The following AAK1 variants were observed in gnomAD, a reference collection of about 807,000 sequenced individuals.
AAK1 encodes the protein AP2-associated protein kinase 1.
A neutral mutation model predicts 116.0 loss-of-function variants in AAK1; 37 were observed. The observed-to-expected ratio is 0.32, with a 90% CI of 0.25 to 0.42. The LOEUF (loss-of-function observed/expected upper bound fraction) is 0.42, where lower values mean the gene tolerates loss of function less well. Among genes scored for constraint, AAK1 ranks in the 10% least tolerant of loss-of-function variants. The pLI, the probability that AAK1 is intolerant of heterozygous loss-of-function variation, is 1.00. For synonymous variants in AAK1, 458 were observed against 439.9 expected (o/e 1.04, Z -0.51); for missense variants, 919 against 1,170.6 (o/e 0.79, Z 3.14).
At chr2:69,487,012 A>G (rs1366631058) in intron 17 of AAK1, among the ~76,000 whole-genome samples, 1 of 152,216 alleles carries the variant, frequency 6.6e-6, no homozygotes, top group Non-Finnish European at 1.5e-5. Context: ...AAAGTTAAAG[A>G]AACTTGCCAA....
In AAK1 at chr2:69,474,196, A is replaced by G. The variant is rs568170359; in HGVS notation, c.*1673T>C. 5.1e-6 allele frequency: 5 copies of G among 985,828 alleles called. No homozygotes were observed. In the East Asian group the frequency reaches 4.5e-4, roughly 89 times the overall value. The allele number at this position is 985,828 out of a possible 1,614,324, so 61.1% of individuals were successfully genotyped here. A position where few individuals can be genotyped will look rare whatever the true frequency, so the allele number is the denominator to read the frequency against. ...TGTTGCTGTTAAACTTTTTTCCCCCATAAAGTGCAAATGTGAGGAAGAAGA... is the reference window on the plus strand; with the variant it reads ...TGTTGCTGTTAAACTTTTTTCCCCCGTAAAGTGCAAATGTGAGGAAGAAGA... On this transcript the variant is annotated 3_prime_UTR_variant, in exon 22 of 22. Transcript: ENST00000409085.
chr2:69,519,008 T>C lies in AAK1; in HGVS notation c.1443A>G (p.Ala481=), dbSNP rs1676708071. ...QQQQQQQPPP[A]QQQPAGTFYQ... ...AAAACGTGCCTGCCGGCTGCTGCTG[T>C]GCTGGCGGTGGCTGTTGCTGCTGCT... The change falls in exon 12 of 22, where the codon GCA becomes GCG. Residue 481 remains alanine, a synonymous_variant. Transcript: ENST00000409085. 1.3e-6 allele frequency: 2 copies of C among 1,549,638 alleles called. No individual in the cohort carries two copies. The highest frequency in any genetic ancestry group is 1.7e-6 in the Non-Finnish European group (2 of 1,146,310).
At chr2:69,565,417 C>G (rs978762855) in intron 2 of AAK1, among the ~76,000 whole-genome samples, 3 of 152,232 alleles carry the variant, frequency 2.0e-5, no homozygotes, top group African/African-American at 7.2e-5. Context: ...TTTACAAGGG[C>G]CTGTGAAGTC....
chr2:69,519,348 T>G, intron 11 of AAK1, 108 bp from the exon 12 acceptor site: 1 of 1,389,916 alleles, frequency 7.2e-7, no homozygotes, highest in Middle Eastern at 2.0e-4. Context: ...GCAGAGTATC[T>G]CAAGATTCGT....
chr2:69,500,698 T>TATACACACACACAC, intron 16 of AAK1, among the ~76,000 whole-genome samples: 15 of 65,100 alleles, frequency 2.3e-4, no homozygotes, highest in African/African-American at 1.0e-3. Context: ...TATATATATA[T>TATACACACACACAC]ACACACACAC....
intron 17 of AAK1, among the ~76,000 whole-genome samples, chr2:69,483,815 G>T (rs1483043187): frequency 1.3e-5 from 2 of 152,146 alleles, no homozygotes; most frequent in African/African-American, 4.8e-5. Context: ...AGAAATAAAA[G>T]GACGCCTGAG....
At chr2:69,479,122 A>C in intron 19 of AAK1, 61 bp from the exon 20 acceptor site, 2 of 1,118,054 alleles carry the variant, frequency 1.8e-6, no homozygotes, top group Non-Finnish European at 2.7e-6. Flanking sequence ...ACACAACAAT[A>C]TCATGAGATT....
intron 2 of AAK1, among the ~76,000 whole-genome samples, chr2:69,634,559 G>A (rs1440289613): frequency 4.6e-5 from 7 of 152,222 alleles, no homozygotes; most frequent in Admixed American, 4.6e-4. Flanking sequence ...CTCGGCTCCT[G>A]TCCTGCTAGT....
At chr2:69,639,706 T>C (rs913566224) in intron 2 of AAK1, among the ~76,000 whole-genome samples, 16 of 152,098 alleles carry the variant, frequency 1.1e-4, no homozygotes, top group Middle Eastern at 3.2e-3. Context: ...GGTAATCTGG[T>C]CTGTGTTTTG....
intron 10 of AAK1, among the ~76,000 whole-genome samples, chr2:69,523,589 A>G (rs188464529): frequency 2.0e-5 from 3 of 152,110 alleles, no homozygotes; most frequent in Non-Finnish European, 4.4e-5. Flanking sequence ...AGGAGTATAA[A>G]TATCTCCTGC....
At chr2:69,510,964 T>A (rs945533414) in intron 13 of AAK1, among the ~76,000 whole-genome samples, 1 of 152,160 alleles carries the variant, frequency 6.6e-6, no homozygotes, top group Non-Finnish European at 1.5e-5. Context: ...AACATACCGG[T>A]GAGAATATCC....
At chr2:69,549,225 C>T (rs1671069185) in intron 3 of AAK1, among the ~76,000 whole-genome samples, 1 of 152,030 alleles carries the variant, frequency 6.6e-6, no homozygotes, top group African/African-American at 2.4e-5. Context: ...AAAAATTAGC[C>T]AGGCGTGGTG....
intron 2 of AAK1, among the ~76,000 whole-genome samples, chr2:69,589,133 G>C (rs1572984678): frequency 6.6e-6 from 1 of 152,164 alleles, no homozygotes; most frequent in Non-Finnish European, 1.5e-5. Context: ...GAATCCCTTG[G>C]TCAGAGATGT....
chr2:69,460,738 A>G lies in AAK1; in HGVS notation c.*15131T>C, dbSNP rs1674319640. On this transcript the variant is annotated 3_prime_UTR_variant, in exon 22 of 22. Coordinates refer to ENST00000409085, the MANE Select transcript of AAK1 (RefSeq NM_014911.5). ...TTCAGCATCAAATTGTGTTCATCCC[A>G]TTTTCTAATCTAACCAAGCACTTGG... 6.6e-6 allele frequency: 1 copy of G among 152,170 alleles called. No homozygotes were observed. The allele number at this position is 152,170 out of a possible 1,614,324, so 9.4% of individuals were successfully genotyped here.
At chr2:69,587,139 C>T (rs756317571) in intron 2 of AAK1, among the ~76,000 whole-genome samples, 1 of 151,098 alleles carries the variant, frequency 6.6e-6, no homozygotes, top group Non-Finnish European at 1.5e-5. Flanking sequence ...GGCTGGAGTA[C>T]GATGGCATGC....
intron 10 of AAK1, among the ~76,000 whole-genome samples, chr2:69,521,681 C>T (rs1441750706): frequency 6.6e-6 from 1 of 152,210 alleles, no homozygotes; most frequent in Non-Finnish European, 1.5e-5. Context: ...CAGGTGTGAA[C>T]CTGTTTCTAA....
rs1377911955 is a variant in AAK1 at position 69,470,414 on chromosome 2, A to T, written c.*5455T>A. On this transcript the variant is annotated 3_prime_UTR_variant, in exon 22 of 22. Transcript: ENST00000409085. The stretch of plus-strand genomic sequence containing the variant: ...TAATTACCATGACCTTCTAGCTCAC[A>T]TAACAAAATTAAGCATTTGGTTCCA... 1.0e-6 allele frequency: 1 copy of T among 985,354 alleles called. No homozygotes were observed. The highest frequency in any genetic ancestry group is 1.7e-5 in the African/African-American group (1 of 57,248). The allele number at this position is 985,354 out of a possible 1,614,324, so 61.0% of individuals were successfully genotyped here. A position where few individuals can be genotyped will look rare whatever the true frequency, so the allele number is the denominator to read the frequency against.
chr2:69,506,366 T>C (rs1173977570), intron 15 of AAK1, among the ~76,000 whole-genome samples: 1 of 151,964 alleles, frequency 6.6e-6, no homozygotes. Context: ...AAGAAAGTAA[T>C]AGGAATTTTT....
chr2:69,477,477 A>C (rs1202476183), intron 20 of AAK1, among the ~76,000 whole-genome samples: 3 of 152,166 alleles, frequency 2.0e-5, no homozygotes. Context: ...GACTCACTGC[A>C]CTGTGACTGG....
Sources: gnomAD v4.1 joint callset for allele counts (sites outside exome capture counted in the v4.1 genomes callset) on GRCh38, gnomAD v4.1.1 for gene constraint, MANE v1.5 for transcripts, NCBI Gene and HGNC (gene_info 2026-07-23, HGNC 2026-07-21) for gene names.